The following PPP2R2C variants were observed in gnomAD, a reference collection of about 807,000 sequenced individuals.
PPP2R2C encodes protein phosphatase 2 regulatory subunit Bgamma.
PPP2R2C carries 10 observed loss-of-function variants against 45.3 expected under a neutral mutation model. The observed-to-expected ratio is 0.22, with a 90% CI of 0.14 to 0.37. The LOEUF is 0.37. PPP2R2C is among the 10% of genes least tolerant of loss of function. PPP2R2C has a pLI of 1.00. For missense variants in PPP2R2C, 308 were observed against 619.7 expected, an observed-to-expected ratio of 0.50 and a Z score of 5.34; for synonymous variants, 257 against 245.4, an observed-to-expected ratio of 1.05 and a Z score of -0.44.
At chr4:6,487,318 A>G (rs1722560419) in intron 2 of PPP2R2C, among the ~76,000 whole-genome samples, 1 of 151,824 alleles carries the variant, frequency 6.6e-6, no homozygotes, top group Non-Finnish European at 1.5e-5. Context: ...GATCCTTTGC[A>G]TAGATCCATA....
intron 1 of PPP2R2C, among the ~76,000 whole-genome samples, chr4:6,434,359 C>CTTTTTTTTTTTT (rs34292067): frequency 8.6e-6 from 1 of 116,140 alleles, no homozygotes; most frequent in Non-Finnish European, 1.7e-5. Context: ...TTTTTCTTTT[C>CTTTTTTTTTTTT]TTTTTTTTTT....
chr4:6,500,662 G>C (rs77994110), intron 2 of PPP2R2C, among the ~76,000 whole-genome samples: 1,587 of 152,336 alleles, frequency 0.01, 26 homozygotes, highest in African/African-American at 0.036. Flanking sequence ...AGGAAGGAAA[G>C]AGGGGGGTTC....
intron 1 of PPP2R2C, among the ~76,000 whole-genome samples, chr4:6,410,247 G>A (rs1430983437): frequency 1.3e-5 from 2 of 152,170 alleles, no homozygotes; most frequent in African/African-American, 4.8e-5. Context: ...GAGCAGGCTG[G>A]GCGCACTTGT....
chr4:6,411,733 T>C (rs1165842539), intron 1 of PPP2R2C, among the ~76,000 whole-genome samples: 1 of 152,100 alleles, frequency 6.6e-6, no homozygotes, highest in Non-Finnish European at 1.5e-5. Flanking sequence ...TTTGTATTTT[T>C]AGTAGAGACG....
chr4:6,421,010 G>C, intron 1 of PPP2R2C: 1 of 985,246 alleles, frequency 1.0e-6, no homozygotes, highest in Non-Finnish European at 1.2e-6. Context: ...ATGTGCCTGA[G>C]GAGGGCTTCG....
intron 1 of PPP2R2C, among the ~76,000 whole-genome samples, chr4:6,555,924 G>A (rs2108843919): frequency 6.6e-6 from 1 of 152,330 alleles, no homozygotes; most frequent in African/African-American, 2.4e-5. Flanking sequence ...CAGCCCTGGA[G>A]AGTTGAAGGC....
At chr4:6,450,217 T>C (rs115250792) in intron 1 of PPP2R2C, among the ~76,000 whole-genome samples, 1,193 of 17,150 alleles carry the variant, frequency 0.07, 15 homozygotes, top group African/African-American at 0.08. Flanking sequence ...GTCTCATCTA[T>C]GGGGTGGAGT....
intron 1 of PPP2R2C, among the ~76,000 whole-genome samples, chr4:6,389,760 GT>G (rs1369038547): frequency 4.6e-5 from 7 of 152,164 alleles, no homozygotes; most frequent in African/African-American, 1.7e-4. Flanking sequence ...ACTCCAAGAT[GT>G]TCTTGTGTGC....
rs1425787384 is a variant in PPP2R2C, at chr4:6,364,549, A to G, written c.625+7974T>C. Among the ~76,000 whole-genome samples the G allele has an allele frequency of 6.6e-6, 1 of 152,026 alleles. No homozygotes were observed. The highest frequency in any genetic ancestry group is 1.5e-5 in the Non-Finnish European group (1 of 67,980). On this transcript the variant is annotated intron_variant, in intron 5 of 8. Coordinates refer to ENST00000382599, the MANE Select transcript of PPP2R2C (RefSeq NM_020416.4). The surrounding 1 kb of genome is among the most constrained non-coding windows in gnomAD (Gnocchi z 5.3). ...GACACCTGGGGAAACACAGCTAATGAAGCAATGATGCTGCAGCTCGGTGAT... is the reference window on the plus strand; with the variant it reads ...GACACCTGGGGAAACACAGCTAATGGAGCAATGATGCTGCAGCTCGGTGAT...
rs1453760562 is a variant in PPP2R2C, at chr4:6,330,271, G to T, written c.961-918C>A. 6.6e-6 allele frequency among the ~76,000 whole-genome samples: 1 copy of T among 152,234 alleles called. No individual in the cohort carries two copies. Among genetic ancestry groups the T allele is most frequent in the Non-Finnish European group, 1.5e-5 (1 of 68,044 alleles). On this transcript the variant is annotated intron_variant, in intron 7 of 8. Transcript: ENST00000382599. This position sits in a 1 kb window ranked among gnomAD's most constrained non-coding sequence, Gnocchi z 7.0. ...CTGCCCTCTGGGTGCGGAAGGGAAG[G>T]TAACTGGGTGCCATGGAGCCTGGTT...
intron 1 of PPP2R2C, among the ~76,000 whole-genome samples, chr4:6,558,657 C>T (rs1272930124): frequency 6.6e-6 from 1 of 152,222 alleles, no homozygotes; most frequent in Non-Finnish European, 1.5e-5. Context: ...GGAAGAGGCT[C>T]TGATGGACAC....
At chr4:6,435,789 T>G (rs932494979) in intron 1 of PPP2R2C, among the ~76,000 whole-genome samples, 2 of 152,226 alleles carry the variant, frequency 1.3e-5, no homozygotes, top group African/African-American at 4.8e-5. Context: ...GCCTCTCTAG[T>G]AGACTGCTTT....
intron 2 of PPP2R2C, among the ~76,000 whole-genome samples, chr4:6,503,628 A>G (rs1723129124): frequency 6.6e-6 from 1 of 152,204 alleles, no homozygotes; most frequent in South Asian, 2.1e-4. Context: ...GAAGTCCCAG[A>G]CACTGACCCA....
At chr4:6,559,892 C>G (rs1023563777) in intron 1 of PPP2R2C, among the ~76,000 whole-genome samples, 1 of 152,220 alleles carries the variant, frequency 6.6e-6, no homozygotes, top group South Asian at 2.1e-4. Context: ...GTTACGGCAG[C>G]CCCAACGGAC....
At chr4:6,401,052 G>C (rs1032727613) in intron 1 of PPP2R2C, among the ~76,000 whole-genome samples, 1 of 152,100 alleles carries the variant, frequency 6.6e-6, no homozygotes, top group Non-Finnish European at 1.5e-5. Flanking sequence ...TTTAACCTAA[G>C]GCCAAATAAA....
chr4:6,479,591 T>C (rs1246760246), intron 2 of PPP2R2C, among the ~76,000 whole-genome samples: 1 of 152,192 alleles, frequency 6.6e-6, no homozygotes, highest in Non-Finnish European at 1.5e-5. Context: ...TAACACTTGC[T>C]TGTGACAGAA....
intron 5 of PPP2R2C, among the ~76,000 whole-genome samples, chr4:6,365,431 T>C (rs562507184): frequency 1.3e-5 from 2 of 152,300 alleles, no homozygotes; most frequent in East Asian, 3.9e-4. Flanking sequence ...GGGTTGCTTG[T>C]CTACACGGCA....
At chr4:6,460,349 T>C (rs964427208) in intron 1 of PPP2R2C, among the ~76,000 whole-genome samples, 6 of 152,190 alleles carry the variant, frequency 3.9e-5, no homozygotes, top group Non-Finnish European at 7.3e-5. Flanking sequence ...AGTAGGGAGA[T>C]GTTCATCTAT....
At chr4:6,526,251 T>A (rs1362233346) in intron 2 of PPP2R2C, among the ~76,000 whole-genome samples, 1 of 152,244 alleles carries the variant, frequency 6.6e-6, no homozygotes, top group Non-Finnish European at 1.5e-5. Flanking sequence ...TGAATACATA[T>A]ACTTAGCTAA....
Sources: allele counts gnomAD v4.1 joint callset (sites outside exome capture counted in the v4.1 genomes callset), GRCh38; gene constraint gnomAD v4.1.1; non-coding constraint Gnocchi (gnomAD v3.1); transcripts MANE v1.5; gene names NCBI Gene and HGNC (gene_info 2026-07-23, HGNC 2026-07-21).